Variants in POLR3E observed in about 807,000 individuals in gnomAD.
The protein encoded by POLR3E is RNA polymerase III subunit E.
A neutral mutation model predicts 96.6 loss-of-function variants in POLR3E; 41 were observed. The observed-to-expected ratio is 0.42, with a 90% CI of 0.33 to 0.55. POLR3E has a LOEUF of 0.55. Among genes scored for constraint, POLR3E ranks in the 20% least tolerant of loss-of-function variants. POLR3E has a pLI of 0.06. For missense variants in POLR3E, 849 were observed against 952.1 expected (o/e 0.89, Z 1.43); for synonymous variants, 396 against 383.6 (o/e 1.03, Z -0.38).
intron 13 of POLR3E, among the ~76,000 whole-genome samples, chr16:22,321,586 G>A (rs1187019561): frequency 6.6e-6 from 1 of 152,230 alleles, no homozygotes; most frequent in Non-Finnish European, 1.5e-5. Flanking sequence ...GGGTCCTCCC[G>A]TCACACACCT....
chr16:22,316,446 C>A (rs1237256553), intron 9 of POLR3E, among the ~76,000 whole-genome samples, 155 bp from the exon 10 acceptor site: 1 of 152,168 alleles, frequency 6.6e-6, no homozygotes, highest in Non-Finnish European at 1.5e-5. Context: ...AGATGAGTGG[C>A]TGAGGCCACG....
intron 1 of POLR3E, chr16:22,302,607 C>T: frequency 3.8e-6 from 1 of 264,310 alleles, no homozygotes; most frequent in Non-Finnish European, 7.3e-6. Flanking sequence ...AACCTCTATC[C>T]TTCTGTCTGG....
intron 1 of POLR3E, 58 bp from the exon 2 acceptor site, chr16:22,302,873 G>A (rs1414762093): frequency 8.5e-7 from 1 of 1,172,040 alleles, no homozygotes; most frequent in African/African-American, 1.5e-5. Flanking sequence ...TGCAGAATAG[G>A]CACAAGGAAA....
intron 12 of POLR3E, 120 bp downstream of exon 12, chr16:22,317,326 C>T: frequency 1.4e-6 from 1 of 713,200 alleles, no homozygotes; most frequent in Non-Finnish European, 2.4e-6. Context: ...CCACAGCCTG[C>T]CCAGCTTTGC....
intron 9 of POLR3E, among the ~76,000 whole-genome samples, chr16:22,315,630 T>C (rs1429884966): frequency 1.3e-5 from 2 of 152,218 alleles, no homozygotes. Flanking sequence ...TGCTTGGTTT[T>C]CATCTGGTAC....
At chr16:22,306,939 G>A (rs2048145703) in intron 3 of POLR3E, among the ~76,000 whole-genome samples, 2 of 152,214 alleles carry the variant, frequency 1.3e-5, no homozygotes, top group South Asian at 4.1e-4. Flanking sequence ...TGCTGGGAGG[G>A]CCTGGCCTCC....
chr16:22,305,491 G>T (rs750210567), intron 3 of POLR3E: 10 of 640,986 alleles, frequency 1.6e-5, no homozygotes, highest in Non-Finnish European at 2.9e-6. Context: ...CTGCGAGACC[G>T]TGGGCAAGTT....
chr16:22,321,519 C>T (rs1218096546), intron 13 of POLR3E, among the ~76,000 whole-genome samples: 4 of 152,278 alleles, frequency 2.6e-5, no homozygotes, highest in East Asian at 3.9e-4. Flanking sequence ...TGGCGCATCG[C>T]GTATTACATA....
At chr16:22,323,018 C>A in intron 14 of POLR3E, 87 bp downstream of exon 14, 2 of 850,436 alleles carry the variant, frequency 2.4e-6, no homozygotes, top group Non-Finnish European at 3.8e-6. Flanking sequence ...CGGGGCCCGG[C>A]AGAGGCTCCA....
chr16:22,309,518 G>A lies in POLR3E; in HGVS notation c.364+8G>A. On this transcript the variant is annotated splice_region_variant and intron_variant, in intron 6 of 20. Transcript: ENST00000299853. The stretch of plus-strand genomic sequence containing the variant: ...CTGCACTCTACAGGCAAGGTACCCG[G>A]GGCTGGGTGTCCCGCGGTGGGGACA... The A allele has an allele frequency of 1.2e-6, 2 of 1,608,908 alleles. No homozygotes were observed. Among genetic ancestry groups the A allele is most frequent in the Non-Finnish European group, 1.7e-6 (2 of 1,175,472 alleles).
chr16:22,302,063 G>A (rs973141109), intron 1 of POLR3E, among the ~76,000 whole-genome samples: 6 of 139,940 alleles, frequency 4.3e-5, no homozygotes, highest in African/African-American at 1.7e-4. Flanking sequence ...CAGACCAGCT[G>A]AAATACTCAA....
At position 22,318,816 on chromosome 16, in the gene POLR3E, T is replaced by C. The variant is rs1370050843; in HGVS notation, c.866-10T>C. The C allele has an allele frequency of 1.9e-6, 3 of 1,612,602 alleles. No individual in the cohort carries two copies. Among genetic ancestry groups the C allele is most frequent in the Middle Eastern group, 3.3e-4 (2 of 6,048 alleles). On this transcript the variant is annotated splice_polypyrimidine_tract_variant and intron_variant, in intron 12 of 20. Transcript: ENST00000299853. This position sits in a 1 kb window ranked among gnomAD's most constrained non-coding sequence, Gnocchi z 5.0. ...TCTTCCTTGTCTGATGTCTCCTGCG[T>C]CCTCCTCAGTGAAGGTCATGCCTTT...
rs757555007 is a variant in POLR3E at position 22,324,676 on chromosome 16, C to T, written c.1286+16C>T. ...TCCAGGCCAAGTAAGCACCCTGGGC[C>T]AGGGAGGGGCAGCCCGGTGATCCCA... On this transcript the variant is annotated intron_variant, in intron 16 of 20. Transcript: ENST00000299853. The T allele has an allele frequency of 6.2e-7, 1 of 1,613,332 alleles. No individual in the cohort carries two copies. Among genetic ancestry groups the T allele is most frequent in the Non-Finnish European group, 8.5e-7 (1 of 1,179,514 alleles).
At chr16:22,320,293 T>C (rs956226887) in intron 13 of POLR3E, among the ~76,000 whole-genome samples, 1 of 152,112 alleles carries the variant, frequency 6.6e-6, no homozygotes, top group Non-Finnish European at 1.5e-5. Context: ...AGATAGTCTC[T>C]CTCTCTTGCC....
At chr16:22,308,086 C>A in intron 3 of POLR3E, 62 bp from the exon 4 acceptor site, 1 of 1,297,018 alleles carries the variant, frequency 7.7e-7, no homozygotes, top group Non-Finnish European at 1.1e-6. Flanking sequence ...GATTCTTGGC[C>A]AGGGCCCAGC....
rs1156515893 is a variant in POLR3E, at chr16:22,302,896, G to A, written c.-38-35G>A. On this transcript the variant is annotated intron_variant, in intron 1 of 20. Transcript: ENST00000299853. ...AGGCACAAGGAAATGTTGGTTGAAC[G>A]ACTGATGGTCCCAGTCTCTCGCCCT... 1.3e-5 allele frequency: 18 copies of A among 1,412,560 alleles called. No individual in the cohort carries two copies. In the East Asian group the frequency reaches 1.4e-4, roughly 11 times the overall value. 87.5% of individuals were successfully genotyped at this position (1,412,560 alleles called of 1,614,324 possible).
intron 1 of POLR3E, among the ~76,000 whole-genome samples, chr16:22,300,642 T>C (rs2048001600): frequency 6.6e-6 from 1 of 152,250 alleles, no homozygotes; most frequent in South Asian, 2.1e-4. Context: ...CTCTCCGCTC[T>C]ACACTGCCCT....
chr16:22,318,722 T>G lies in POLR3E; in HGVS notation c.866-104T>G. On this transcript the variant is annotated intron_variant, in intron 12 of 20. Transcript: ENST00000299853. The surrounding 1 kb of genome is among the most constrained non-coding windows in gnomAD (Gnocchi z 5.0). The stretch of plus-strand genomic sequence containing the variant: ...GGTGTCATTACTGTTAGTTATCACA[T>G]TCTGGGGTTATTACATGAACTTGAA... 1 of 1,238,480 alleles carries G rather than the reference T, an allele frequency of 8.1e-7. No homozygotes were observed. Among genetic ancestry groups the G allele is most frequent in the South Asian group, 1.3e-5 (1 of 76,570 alleles). 76.7% of individuals were successfully genotyped at this position (1,238,480 alleles called of 1,614,324 possible). A position where few individuals can be genotyped will look rare whatever the true frequency, so the allele number is the denominator to read the frequency against.
At chr16:22,329,473 C>T (rs556539019) in intron 19 of POLR3E, among the ~76,000 whole-genome samples, 2 of 152,156 alleles carry the variant, frequency 1.3e-5, no homozygotes, top group East Asian at 1.9e-4. Flanking sequence ...AAACGCCAGT[C>T]GGTCTGACCG....
Sources: gnomAD v4.1 joint callset for allele counts (sites outside exome capture counted in the v4.1 genomes callset) on GRCh38, gnomAD v4.1.1 for gene constraint, Gnocchi (gnomAD v3.1) non-coding constraint, MANE v1.5 for transcripts, NCBI Gene and HGNC (gene_info 2026-07-23, HGNC 2026-07-21) for gene names.